STPG4: variants seen among roughly 807,000 people sequenced by gnomAD.
STPG4 encodes the protein protein STPG4.
In STPG4, 41 loss-of-function variants were observed where a neutral mutation model predicts 31.5. The observed-to-expected ratio is 1.30, with a 90% CI of 1.01 to 1.69. The LOEUF (loss-of-function observed/expected upper bound fraction) is 1.69, where lower values mean the gene tolerates loss of function less well. Ranked by LOEUF, STPG4 falls within the 40% of genes most tolerant of loss-of-function variation. STPG4 has a pLI of 0.00. For missense variants in STPG4, 375 were observed against 293.4 expected (o/e 1.28, Z -2.03); for synonymous variants, 141 against 103.0 (o/e 1.37, Z -2.24).
At chr2:47,130,322 T>A (rs1686451981) in intron 3 of STPG4, 62 bp from the exon 4 acceptor site, 1 of 1,258,500 alleles carries the variant, frequency 7.9e-7, no homozygotes, top group Admixed American at 1.8e-5. Flanking sequence ...CTTCGTTATC[T>A]GTCATTCGTA....
At chr2:47,091,865 T>A (rs1685575697) in intron 5 of STPG4, among the ~76,000 whole-genome samples, 1 of 152,024 alleles carries the variant, frequency 6.6e-6, no homozygotes, top group African/African-American at 2.4e-5. Context: ...ACTGTAACAT[T>A]GTTTCCAAAA....
At position 47,102,110 on chromosome 2, in the gene STPG4, G is replaced by A. The variant is rs112659014; in HGVS notation, c.520-11736C>T. On this transcript the variant is annotated intron_variant, in intron 5 of 6. Coordinates refer to ENST00000445927, the MANE Select transcript of STPG4 (RefSeq NM_001163561.2). The stretch of plus-strand genomic sequence containing the variant: ...GGAAAACTAGTGTTTCTGCTGCTGC[G>A]TCGGTGAGCCCAACTATTCCGATCA... 7.3e-3 allele frequency among the ~76,000 whole-genome samples: 1,103 copies of A among 151,822 alleles called. 34 individuals are homozygous for A. Among genetic ancestry groups the A allele is most frequent in the African/African-American group, 0.025 (1,041 of 41,188 alleles).
chr2:47,116,693 G>A (rs985952726), intron 5 of STPG4, among the ~76,000 whole-genome samples: 6 of 152,082 alleles, frequency 3.9e-5, no homozygotes, highest in African/African-American at 1.4e-4. Flanking sequence ...GGAGCATGGC[G>A]GAGAAGGGGA....
At chr2:47,139,347 G>A (rs1686659714) in intron 3 of STPG4, among the ~76,000 whole-genome samples, 1 of 151,192 alleles carries the variant, frequency 6.6e-6, no homozygotes, top group African/African-American at 2.4e-5. Flanking sequence ...CTTCATCCCT[G>A]ATAACACTTA....
At chr2:47,102,622 C>A (rs1184961131) in intron 5 of STPG4, among the ~76,000 whole-genome samples, 1 of 151,836 alleles carries the variant, frequency 6.6e-6, no homozygotes, top group Non-Finnish European at 1.5e-5. Flanking sequence ...CCTCAGCTTA[C>A]CCCCATATCC....
intron 3 of STPG4, among the ~76,000 whole-genome samples, chr2:47,145,828 G>C (rs1003780967): frequency 1.3e-5 from 2 of 152,172 alleles, no homozygotes; most frequent in African/African-American, 4.8e-5. Context: ...AATGTAAAGT[G>C]CAAGTAAATT....
Position 47,155,304 on chromosome 2 carries a change from G to T in STPG4, c.-53C>A. On this transcript the variant is annotated 5_prime_UTR_variant, in exon 1 of 7. Transcript: ENST00000445927. ...CCTGAGCTCCGGTTGCTAGGAGGCGGGTGTGGCCCGTGGGCTCCCGAGCGC... is the reference window on the plus strand; with the variant it reads ...CCTGAGCTCCGGTTGCTAGGAGGCGTGTGTGGCCCGTGGGCTCCCGAGCGC... 2 of 1,594,264 alleles carry T rather than the reference G, an allele frequency of 1.3e-6. No individual in the cohort carries two copies. Among genetic ancestry groups the T allele is most frequent in the Non-Finnish European group, 1.7e-6 (2 of 1,163,202 alleles).
At chr2:47,121,846 TCGTGTGTGTGTG>T (rs1225650996) in intron 5 of STPG4, among the ~76,000 whole-genome samples, 15 of 75,596 alleles carry the variant, frequency 2.0e-4, no homozygotes, top group African/African-American at 8.8e-4. Flanking sequence ...TGCCCTCTCC[TCGTGTGTGTGTG>T]TGTGTGTGTG....
At chr2:47,132,167 A>G (rs1190357954) in intron 3 of STPG4, among the ~76,000 whole-genome samples, 24 of 150,938 alleles carry the variant, frequency 1.6e-4, no homozygotes, top group Non-Finnish European at 1.5e-4. Context: ...TCACTCTGAA[A>G]AAAAAAAAAA....
chr2:47,101,625 C>T (rs181546104), intron 5 of STPG4, among the ~76,000 whole-genome samples: 32 of 151,812 alleles, frequency 2.1e-4, no homozygotes, highest in Non-Finnish European at 3.2e-4. Flanking sequence ...TTTAGGCACC[C>T]GGGTTCACCA....
intron 5 of STPG4, among the ~76,000 whole-genome samples, chr2:47,126,449 G>A (rs546520438): frequency 4.6e-5 from 7 of 151,838 alleles, no homozygotes; most frequent in East Asian, 1.9e-4. Flanking sequence ...CCTTAGCCTC[G>A]CTGAGTAACT....
At chr2:47,128,187 C>G (rs1267923610) in intron 5 of STPG4, among the ~76,000 whole-genome samples, 1 of 152,168 alleles carries the variant, frequency 6.6e-6, no homozygotes, top group Non-Finnish European at 1.5e-5. Flanking sequence ...CCCTTCCCTT[C>G]CCCCAAACAA....
chr2:47,130,715 A>G (rs1181360568), intron 3 of STPG4, among the ~76,000 whole-genome samples: 2 of 152,086 alleles, frequency 1.3e-5, no homozygotes, highest in African/African-American at 4.8e-5. Context: ...GGGTTTCACC[A>G]TGTTGGCCAG....
chr2:47,152,983 C>G lies in STPG4; in HGVS notation c.115G>C (p.Glu39Gln). The G allele has an allele frequency of 6.2e-7, 1 of 1,612,068 alleles. No individual in the cohort carries two copies. Among genetic ancestry groups the G allele is most frequent in the Non-Finnish European group, 8.5e-7 (1 of 1,178,904 alleles). ...PAQKTSSFER[E>Q]GWWRIALTDT... Reference sequence around the variant, plus strand: ...GTTAATGCTATTCTCCACCATCCTTCTCTTTCAAAAGAGGAAGTCTTTTGG... The same window carrying G: ...GTTAATGCTATTCTCCACCATCCTTGTCTTTCAAAAGAGGAAGTCTTTTGG... Residue 39 changes from glutamate (E) to glutamine (Q), a missense_variant, in exon 2 of 7, where the codon GAA becomes CAA. Transcript: ENST00000445927.
intron 5 of STPG4, among the ~76,000 whole-genome samples, chr2:47,128,484 T>C (rs1312024215): frequency 6.6e-6 from 1 of 152,090 alleles, no homozygotes; most frequent in East Asian, 1.9e-4. Context: ...GGGTACTCTA[T>C]ACTACTGCAG....
At chr2:47,150,742 C>A (rs976048803) in intron 3 of STPG4, among the ~76,000 whole-genome samples, 3 of 151,798 alleles carry the variant, frequency 2.0e-5, no homozygotes, top group Non-Finnish European at 4.4e-5. Context: ...ACCTCAGCTT[C>A]CAGAGTAGTT....
chr2:47,091,645 C>T (rs1685571772), intron 5 of STPG4, among the ~76,000 whole-genome samples: 2 of 152,048 alleles, frequency 1.3e-5, no homozygotes, highest in South Asian at 4.2e-4. Context: ...AGTATTAACC[C>T]AAAACACTGG....
chr2:47,128,274 G>C (rs1264215753), intron 5 of STPG4, among the ~76,000 whole-genome samples: 1 of 152,124 alleles, frequency 6.6e-6, no homozygotes, highest in Admixed American at 6.5e-5. Context: ...CAATATCCCT[G>C]GGACTGCACT....
rs891379808 is a variant in STPG4 at position 47,106,787 on chromosome 2, C to G, written c.520-16413G>C. Among the ~76,000 whole-genome samples the G allele has an allele frequency of 7.9e-5, 12 of 152,172 alleles. 1 individual carries two copies. Among genetic ancestry groups the G allele is most frequent in the African/African-American group, 2.9e-4 (12 of 41,432 alleles). Reference sequence around the variant, plus strand: ...CTTCTCCCCTTTCTAGGTCCCTTGGCAGCCATCTTGCTGTTACTAGCCTTT... The same window carrying G: ...CTTCTCCCCTTTCTAGGTCCCTTGGGAGCCATCTTGCTGTTACTAGCCTTT... On this transcript the variant is annotated intron_variant, in intron 5 of 6. Coordinates refer to ENST00000445927, the MANE Select transcript of STPG4 (RefSeq NM_001163561.2).
Sources: allele counts gnomAD v4.1 joint callset (sites outside exome capture counted in the v4.1 genomes callset), GRCh38; gene constraint gnomAD v4.1.1; transcripts MANE v1.5; gene names NCBI Gene and HGNC (gene_info 2026-07-23, HGNC 2026-07-21).